Variants in TRUB2 observed in about 807,000 individuals in gnomAD.
TRUB2 encodes the protein TruB pseudouridine synthase family member 2, also known as pseudouridylate synthase TRUB2, mitochondrial.
A neutral mutation model predicts 31.9 loss-of-function variants in TRUB2; 31 were observed. That is an observed-to-expected ratio of 0.97 (90% CI 0.73 to 1.31). The LOEUF is 1.31. Among genes scored for constraint, TRUB2 ranks in the 50% most tolerant of loss-of-function variants. TRUB2 has a pLI of 0.00. For synonymous variants in TRUB2, 201 were observed against 182.6 expected, an observed-to-expected ratio of 1.10 and a Z score of -0.81; for missense variants, 451 against 439.6, an observed-to-expected ratio of 1.03 and a Z score of -0.23.
In TRUB2 at chr9:128,321,730, C is replaced by T; in HGVS notation, c.110G>A (p.Gly37Asp). ...AGCGGGAGGCTTCCTGGCATTGAGA[C>T]CTGAACACACAGAGATAATATATAC... Reference protein sequence around the residue: ...RDTVELQLLKGLNARKPPAPK... With the variant: ...RDTVELQLLKDLNARKPPAPK... The change falls in exon 2 of 8, where the codon GGT becomes GAT. Residue 37 changes from glycine to aspartate, a missense_variant and splice_region_variant. Coordinates refer to ENST00000372890, the MANE Select transcript of TRUB2 (RefSeq NM_015679.3). 6.2e-7 allele frequency: 1 copy of T among 1,613,128 alleles called. No homozygotes were observed.
chr9:128,314,310 TAA>T (rs1222263218), intron 4 of TRUB2, among the ~76,000 whole-genome samples: 1 of 152,090 alleles, frequency 6.6e-6, no homozygotes, highest in Non-Finnish European at 1.5e-5. Context: ...CTCTCCAACC[TAA>T]CTCGGCAATT....
Position 128,310,506 on chromosome 9 carries a change from A to G in TRUB2, c.670+381T>C, listed in dbSNP as rs930724906. 4.6e-5 allele frequency among the ~76,000 whole-genome samples: 7 copies of G among 151,890 alleles called. No individual in the cohort carries two copies. In the East Asian group the frequency reaches 1.4e-3, roughly 29 times the overall value. On this transcript the variant is annotated intron_variant, in intron 7 of 7. Coordinates refer to ENST00000372890, the MANE Select transcript of TRUB2 (RefSeq NM_015679.3). ...AAAGGGGCGGGCGCAGGCAGAGACA[A>G]AAGGAACACAGATAAGAGGGGCCTG...
chr9:128,320,970 G>C (rs1004648824), intron 2 of TRUB2, among the ~76,000 whole-genome samples: 4 of 152,032 alleles, frequency 2.6e-5, no homozygotes, highest in East Asian at 1.9e-4. Flanking sequence ...TGTATTTTTA[G>C]TAGAGACGGG....
intron 4 of TRUB2, among the ~76,000 whole-genome samples, chr9:128,314,329 C>T (rs1379172414): frequency 6.6e-6 from 1 of 152,096 alleles, no homozygotes; most frequent in African/African-American, 2.4e-5. Context: ...AATTTATCAC[C>T]CCGAGCCCCT....
At chr9:128,318,593 C>A (rs113415935) in intron 2 of TRUB2, among the ~76,000 whole-genome samples, 22 of 151,614 alleles carry the variant, frequency 1.5e-4, no homozygotes, top group Admixed American at 1.2e-3. Context: ...AGTGCAGTGG[C>A]GCCATCTCAA....
chr9:128,307,369 G>C lies in TRUB2; in HGVS notation c.*2181C>G, dbSNP rs1831883980. ...GGTGGGAAGATGGTTGAGCCTGGGAGGATGACGGTGCAGTGAGTCATGTTT... is the reference window on the plus strand; with the variant it reads ...GGTGGGAAGATGGTTGAGCCTGGGACGATGACGGTGCAGTGAGTCATGTTT... On this transcript the variant is annotated 3_prime_UTR_variant, in exon 8 of 8. Transcript: ENST00000372890. 1 of 152,058 alleles carries C rather than the reference G, an allele frequency of 6.6e-6. No homozygotes were observed. The highest frequency in any genetic ancestry group is 2.4e-5 in the African/African-American group (1 of 41,366). 9.4% of individuals were successfully genotyped at this position (152,058 alleles called of 1,614,324 possible).
chr9:128,313,963 G>A lies in TRUB2; in HGVS notation c.379-74C>T, dbSNP rs902957951. ...CTAGTAGCCCCTGCCCCAGAAGCTG[G>A]GGGTGGGGGGTCCTCAGGTCTCCCT... On this transcript the variant is annotated intron_variant, in intron 4 of 7. Coordinates refer to ENST00000372890, the MANE Select transcript of TRUB2 (RefSeq NM_015679.3). 51 of 1,414,506 alleles carry A rather than the reference G, an allele frequency of 3.6e-5. No homozygotes were observed. In the African/African-American group the frequency reaches 7.1e-4, roughly 20 times the overall value. 87.6% of individuals were successfully genotyped at this position (1,414,506 alleles called of 1,614,324 possible). A position where few individuals can be genotyped will look rare whatever the true frequency, so the allele number is the denominator to read the frequency against.
At chr9:128,310,024 G>A (rs1210473548) in intron 7 of TRUB2, 149 bp from the exon 8 acceptor site, 4 of 851,092 alleles carry the variant, frequency 4.7e-6, no homozygotes, top group Middle Eastern at 2.4e-4. Context: ...CAGAGGACCT[G>A]CCCTGTGGGT....
chr9:128,311,236 G>A (rs1322032880), intron 6 of TRUB2: 15 of 658,824 alleles, frequency 2.3e-5, no homozygotes. Flanking sequence ...CTCCTTGGCT[G>A]CTCTTGCCCT....
intron 1 of TRUB2, 144 bp downstream of exon 1, chr9:128,322,156 G>C (rs910484723): frequency 3.1e-6 from 2 of 650,984 alleles, no homozygotes; most frequent in East Asian, 2.7e-5. Flanking sequence ...TGAGGAGTAA[G>C]AAAGCACAGA....
In TRUB2 at chr9:128,321,660, G is replaced by A. The variant is rs775764971; in HGVS notation, c.180C>T (p.Ser60=). 6 of 1,613,958 alleles carry A rather than the reference G, an allele frequency of 3.7e-6. No individual in the cohort carries two copies. The highest frequency in any genetic ancestry group is 2.2e-5 in the South Asian group (2 of 91,068). ...CTGTGAGGGTCAGCTCCTTCTCTTCGCTGCCTTCCATGGGGCCCAGCAAGA... is the reference window on the plus strand; with the variant it reads ...CTGTGAGGGTCAGCTCCTTCTCTTCACTGCCTTCCATGGGGCCCAGCAAGA... ...VRFLLGPMEG[S]EEKELTLTAT... Residue 60 remains serine, a synonymous_variant, in exon 2 of 8, where the codon AGC becomes AGT. Coordinates refer to ENST00000372890, the MANE Select transcript of TRUB2 (RefSeq NM_015679.3).
At chr9:128,321,522 CT>C in intron 2 of TRUB2, 76 bp downstream of exon 2, 2 of 1,602,236 alleles carry the variant, frequency 1.2e-6, no homozygotes, top group South Asian at 2.2e-5. Context: ...GCACAGGAAT[CT>C]GAGCACTGGG....
In TRUB2 at chr9:128,309,747, T is replaced by G; in HGVS notation, c.799A>C (p.Ser267Arg). Residue 267 changes from serine to arginine, a missense_variant, in exon 8 of 8, where the codon AGT becomes CGT. Transcript: ENST00000372890. Reference sequence around the variant, plus strand: ...TCCCACTGGGTCCTCAGGAGGGCACTGTCTAGCGTGAAGAAGCCGTCGCGC... The same window carrying G: ...TCCCACTGGGTCCTCAGGAGGGCACGGTCTAGCGTGAAGAAGCCGTCGCGC... ...RTRDGFFTLD[S>R]ALLRTQWDLT... 1 of 1,614,244 alleles carries G rather than the reference T, an allele frequency of 6.2e-7. No homozygotes were observed. Among genetic ancestry groups the G allele is most frequent in the Non-Finnish European group, 8.5e-7 (1 of 1,180,042 alleles).
At chr9:128,318,671 T>C (rs1364810223) in intron 2 of TRUB2, among the ~76,000 whole-genome samples, 1 of 151,966 alleles carries the variant, frequency 6.6e-6, no homozygotes, top group Non-Finnish European at 1.5e-5. Context: ...TAGCTAGGAT[T>C]ACAGGCACCT....
intron 2 of TRUB2, among the ~76,000 whole-genome samples, chr9:128,318,070 G>A (rs1396240130): frequency 6.6e-6 from 1 of 152,146 alleles, no homozygotes. Flanking sequence ...TCGGCTGGGC[G>A]CAGTGGCTCA....
rs1030331371 is a variant in TRUB2, at chr9:128,309,319, G to A, written c.*231C>T. On this transcript the variant is annotated 3_prime_UTR_variant, in exon 8 of 8. Transcript: ENST00000372890. ...TGGGATTACAAGTGCCCGCCACCACGCCTGGTCTGCCAATACTTTCTATCA... is the reference window on the plus strand; with the variant it reads ...TGGGATTACAAGTGCCCGCCACCACACCTGGTCTGCCAATACTTTCTATCA... 3 of 533,074 alleles carry A rather than the reference G, an allele frequency of 5.6e-6. No homozygotes were observed. Among genetic ancestry groups the A allele is most frequent in the South Asian group, 4.7e-5 (2 of 42,518 alleles). 33.0% of individuals were successfully genotyped at this position (533,074 alleles called of 1,614,324 possible). A position where few individuals can be genotyped will look rare whatever the true frequency, so the allele number is the denominator to read the frequency against.
chr9:128,318,507 T>G (rs974044102), intron 2 of TRUB2, among the ~76,000 whole-genome samples: 2 of 151,076 alleles, frequency 1.3e-5, no homozygotes, highest in African/African-American at 4.9e-5. Context: ...AGACTGTTTT[T>G]TTTTTGTGTG....
intron 3 of TRUB2, chr9:128,316,838 C>G (rs1335237408): frequency 1.4e-5 from 4 of 284,028 alleles, no homozygotes; most frequent in African/African-American, 8.8e-5. Flanking sequence ...CACCTAAATC[C>G]TACTTTCTTC....
chr9:128,313,441 C>T (rs1439910673), intron 5 of TRUB2, among the ~76,000 whole-genome samples: 3 of 144,934 alleles, frequency 2.1e-5, no homozygotes, highest in Non-Finnish European at 4.5e-5. Context: ...GAGGCTGAGG[C>T]AGGAGAATGG....
Sources: allele counts gnomAD v4.1 joint callset (sites outside exome capture counted in the v4.1 genomes callset), GRCh38; gene constraint gnomAD v4.1.1; transcripts MANE v1.5; gene names NCBI Gene and HGNC (gene_info 2026-07-23, HGNC 2026-07-21).